PRKRIP1: variants seen among roughly 807,000 people sequenced by gnomAD.
The protein encoded by PRKRIP1 is PRKR interacting protein 1.
A neutral mutation model predicts 29.3 loss-of-function variants in PRKRIP1; 29 were observed. The observed-to-expected ratio is 0.99, with a 90% CI of 0.74 to 1.35. The LOEUF is 1.35. Among genes scored for constraint, PRKRIP1 ranks in the 40% most tolerant of loss-of-function variants. The pLI, the probability that PRKRIP1 is intolerant of heterozygous loss-of-function variation, is 0.00. For synonymous variants in PRKRIP1, 90 were observed against 85.1 expected (o/e 1.06, Z -0.32); for missense variants, 247 against 236.8 (o/e 1.04, Z -0.28).
At chr7:102,420,718 C>T (rs1181713977) in intron 5 of PRKRIP1, among the ~76,000 whole-genome samples, 2 of 152,110 alleles carry the variant, frequency 1.3e-5, no homozygotes, top group African/African-American at 2.4e-5. Flanking sequence ...TTGAGCATCC[C>T]AAACCCAAAA....
chr7:102,416,685 T>TG (rs1422792117), intron 5 of PRKRIP1, among the ~76,000 whole-genome samples: 2 of 128,316 alleles, frequency 1.6e-5, no homozygotes, highest in East Asian at 1.9e-4. Flanking sequence ...TGTGGGGTGT[T>TG]TTTTTTTTTT....
At chr7:102,423,626 A>G (rs1307470586) in intron 5 of PRKRIP1, among the ~76,000 whole-genome samples, 1 of 152,130 alleles carries the variant, frequency 6.6e-6, no homozygotes, top group African/African-American at 2.4e-5. Flanking sequence ...TACTCTATGT[A>G]CAGACTTAGC....
At chr7:102,397,135 A>G (rs1795927806) in intron 1 of PRKRIP1, among the ~76,000 whole-genome samples, 1 of 152,110 alleles carries the variant, frequency 6.6e-6, no homozygotes, top group South Asian at 2.1e-4. Flanking sequence ...TGTTATACCC[A>G]AGAGTACATA....
At chr7:102,413,364 C>A (rs995238604) in intron 5 of PRKRIP1, among the ~76,000 whole-genome samples, 6 of 152,220 alleles carry the variant, frequency 3.9e-5, no homozygotes, top group African/African-American at 1.4e-4. Flanking sequence ...AATCCTTCAA[C>A]ATAATATGTT....
intron 3 of PRKRIP1, among the ~76,000 whole-genome samples, chr7:102,400,524 A>G (rs1461743442): frequency 1.3e-5 from 2 of 152,054 alleles, no homozygotes; most frequent in Admixed American, 6.6e-5. Flanking sequence ...AGAAAAAAAA[A>G]CTGGTTATCT....
intron 3 of PRKRIP1, among the ~76,000 whole-genome samples, chr7:102,400,724 C>T (rs1554571085): frequency 6.6e-6 from 1 of 152,154 alleles, no homozygotes; most frequent in East Asian, 1.9e-4. Context: ...CAACCTCCAC[C>T]TCCCAGTTTC....
chr7:102,411,506 T>A (rs1418760778), intron 5 of PRKRIP1, among the ~76,000 whole-genome samples: 1 of 152,094 alleles, frequency 6.6e-6, no homozygotes, highest in Non-Finnish European at 1.5e-5. Flanking sequence ...TGCCTCAGCC[T>A]CCCTAATAAC....
rs782636694 is a variant in PRKRIP1 at position 102,404,664 on chromosome 7, G to T, written c.373G>T (p.Ala125Ser). The T allele has an allele frequency of 1.9e-6, 3 of 1,613,510 alleles. No homozygotes were observed. Among genetic ancestry groups the T allele is most frequent in the South Asian group, 2.2e-5 (2 of 91,026 alleles). Residue 125 changes from alanine to serine, a missense_variant, in exon 4 of 6, where the codon GCA becomes TCA. By Grantham distance (99) the Ala-to-Ser change is moderately conservative. Transcript: ENST00000397912. ...TAAAATTGCTGCAGAGGAGCAGACC[G>T]CAAAGCGCCGGAAGAAGCGGTAAGC... ...KNKIAAEEQTAKRRKKRQKLK... is the reference protein window; with the variant it reads ...KNKIAAEEQTSKRRKKRQKLK...
intron 5 of PRKRIP1, among the ~76,000 whole-genome samples, chr7:102,419,884 TG>T (rs1796649266): frequency 3.9e-5 from 5 of 128,498 alleles, no homozygotes; most frequent in African/African-American, 1.1e-4. Flanking sequence ...TGTGTGTGTG[TG>T]TGTGTGTGTG....
intron 5 of PRKRIP1, among the ~76,000 whole-genome samples, chr7:102,412,534 G>A (rs570179726): frequency 6.4e-4 from 98 of 152,316 alleles, no homozygotes; most frequent in African/African-American, 2.3e-3. Flanking sequence ...CAGCCTGGGT[G>A]ACAGAGCAAG....
intron 4 of PRKRIP1, among the ~76,000 whole-genome samples, chr7:102,406,239 C>A (rs1796218479): frequency 6.6e-6 from 1 of 152,150 alleles, no homozygotes; most frequent in Non-Finnish European, 1.5e-5. Context: ...TGTAGTGGAT[C>A]AGTCCAGCAG....
At chr7:102,414,757 T>TG (rs1796485104) in intron 5 of PRKRIP1, among the ~76,000 whole-genome samples, 1 of 152,114 alleles carries the variant, frequency 6.6e-6, no homozygotes, top group Non-Finnish European at 1.5e-5. Context: ...TGGTGGCACA[T>TG]GCCTGTAGTC....
chr7:102,400,155 C>A (rs1796025146), intron 3 of PRKRIP1, among the ~76,000 whole-genome samples: 1 of 151,486 alleles, frequency 6.6e-6, no homozygotes, highest in Admixed American at 6.6e-5. Context: ...ACTAAAAATA[C>A]AGAAATTAGC....
rs183485885 is a variant in PRKRIP1, at chr7:102,418,211, A to G, written c.458-6803A>G. On this transcript the variant is annotated intron_variant, in intron 5 of 5. Coordinates refer to ENST00000397912, the MANE Select transcript of PRKRIP1 (RefSeq NM_024653.4). ...ATTATAGGCACGTGCCACCACACTC[A>G]GCTAATTTTTGTATTTTTAGTAGAG... is the stretch of plus-strand genomic sequence containing the variant. Among the ~76,000 whole-genome samples the G allele has an allele frequency of 3.4e-4, 51 of 151,246 alleles. No individual in the cohort carries two copies. The East Asian group carries it at 7.5e-3, about 22-fold the overall frequency.
intron 5 of PRKRIP1, among the ~76,000 whole-genome samples, chr7:102,419,246 T>G (rs563576630): frequency 6.6e-6 from 1 of 152,026 alleles, no homozygotes; most frequent in Non-Finnish European, 1.5e-5. Context: ...AAACCCCATC[T>G]CTACTAAAAA....
chr7:102,424,938 C>T (rs1040129115), intron 5 of PRKRIP1, 76 bp from the exon 6 acceptor site: 1 of 1,463,892 alleles, frequency 6.8e-7, no homozygotes, highest in Non-Finnish European at 9.2e-7. Context: ...GACTTCCCAT[C>T]AGCTCTCCTC....
At chr7:102,404,420 GATTACCTGCCCT>G (rs1312009530) in intron 3 of PRKRIP1, 166 bp from the exon 4 acceptor site, 2 of 626,994 alleles carry the variant, frequency 3.2e-6, no homozygotes, top group African/African-American at 3.6e-5. Flanking sequence ...CCTATGTATT[GATTACCTGCCCT>G]GCCTCTGGGA....
At chr7:102,417,679 C>G (rs377115653) in intron 5 of PRKRIP1, among the ~76,000 whole-genome samples, 1 of 142,808 alleles carries the variant, frequency 7.0e-6, no homozygotes, top group East Asian at 2.1e-4. Flanking sequence ...AGTGCAGTGG[C>G]ACCATCATAG....
intron 3 of PRKRIP1, among the ~76,000 whole-genome samples, chr7:102,401,789 G>C (rs958336826): frequency 2.6e-5 from 4 of 152,200 alleles, no homozygotes; most frequent in African/African-American, 9.6e-5. Context: ...TGTAATCCCA[G>C]CTACTTGGGA....
Sources: gnomAD v4.1 joint callset for allele counts (sites outside exome capture counted in the v4.1 genomes callset) on GRCh38, gnomAD v4.1.1 for gene constraint, MANE v1.5 for transcripts, NCBI Gene and HGNC (gene_info 2026-07-23, HGNC 2026-07-21) for gene names.